Variants in NRXN3 observed in about 807,000 individuals in gnomAD.
NRXN3 encodes neurexin 3, also known as neurexin III.
A neutral mutation model predicts 137.6 loss-of-function variants in NRXN3; 32 were observed. The ratio of observed to expected loss-of-function variants is 0.23; its 90% CI spans 0.18 to 0.31. The LOEUF (loss-of-function observed/expected upper bound fraction) is 0.31, where lower values mean the gene tolerates loss of function less well. Among genes scored for constraint, NRXN3 ranks in the 10% least tolerant of loss-of-function variants. The pLI, the probability that NRXN3 is intolerant of heterozygous loss-of-function variation, is 1.00. For synonymous variants in NRXN3, 798 were observed against 784.5 expected, an observed-to-expected ratio of 1.02 and a Z score of -0.29; for missense variants, 1,574 against 2,062.5, an observed-to-expected ratio of 0.76 and a Z score of 4.59.
At chr14:78,371,876 A>G (rs775627664) in intron 4 of NRXN3, among the ~76,000 whole-genome samples, 6 of 152,196 alleles carry the variant, frequency 3.9e-5, no homozygotes, top group African/African-American at 7.2e-5. Context: ...TTATGTTAAC[A>G]CTTTTTATCT....
chr14:78,441,991 G>A lies in NRXN3; in HGVS notation c.757+144131G>A, dbSNP rs112456875. On this transcript the variant is annotated intron_variant, in intron 4 of 20. Transcript: ENST00000335750. ...GGGACCTGTAGTCCCAGCTACTCGGGAGGCTGAGGCAGGAGAATGGTGTGA... is the reference window on the plus strand; with the variant it reads ...GGGACCTGTAGTCCCAGCTACTCGGAAGGCTGAGGCAGGAGAATGGTGTGA... 9.1e-3 allele frequency among the ~76,000 whole-genome samples: 1,388 copies of A among 152,022 alleles called. 10 individuals are homozygous for A. The highest frequency in any genetic ancestry group is 0.024 in the Middle Eastern group (7 of 294).
chr14:78,225,264 G>T (rs1378562943), intron 1 of NRXN3, among the ~76,000 whole-genome samples: 1 of 152,074 alleles, frequency 6.6e-6, no homozygotes, highest in East Asian at 1.9e-4. Context: ...AGCACCTGTT[G>T]TTTCCTGACT....
intron 8 of NRXN3, among the ~76,000 whole-genome samples, chr14:78,719,488 G>C (rs1043641762): frequency 6.6e-6 from 1 of 152,168 alleles, no homozygotes; most frequent in Non-Finnish European, 1.5e-5. Context: ...GATGAGGCTG[G>C]ATTGTGTCAT....
At chr14:79,081,469 C>T (rs1690468313) in intron 15 of NRXN3, among the ~76,000 whole-genome samples, 1 of 151,990 alleles carries the variant, frequency 6.6e-6, no homozygotes, top group Non-Finnish European at 1.5e-5. Context: ...AAAAAAGCAG[C>T]CAGGTGTGGT....
intron 15 of NRXN3, among the ~76,000 whole-genome samples, chr14:79,138,382 T>A (rs536432344): frequency 2.0e-5 from 3 of 152,314 alleles, no homozygotes; most frequent in African/African-American, 7.2e-5. Flanking sequence ...TTCTAACTCT[T>A]GGGCACAAGT....
Position 79,456,532 on chromosome 14 carries a change from G to C in NRXN3, c.3263-10689G>C, listed in dbSNP as rs538199271. Among the ~76,000 whole-genome samples, 4 of 152,224 alleles carry C rather than the reference G, an allele frequency of 2.6e-5. No homozygotes were observed. The South Asian group carries it at 8.3e-4, about 32-fold the overall frequency. Reference sequence around the variant, plus strand: ...ACTTGAACCCAGGAGTTTGAGACCAGCCTGGACAACATAGTGAAACCCTGT... The same window carrying C: ...ACTTGAACCCAGGAGTTTGAGACCACCCTGGACAACATAGTGAAACCCTGT... On this transcript the variant is annotated intron_variant, in intron 15 of 20. Transcript: ENST00000335750.
intron 16 of NRXN3, among the ~76,000 whole-genome samples, chr14:79,526,336 C>T (rs1007043674): frequency 2.6e-5 from 4 of 152,128 alleles, no homozygotes; most frequent in African/African-American, 9.7e-5. Context: ...TGTGAGCTGC[C>T]ACCTGGCCCC....
chr14:79,789,718 C>T (rs978466229), intron 19 of NRXN3, among the ~76,000 whole-genome samples: 1 of 152,178 alleles, frequency 6.6e-6, no homozygotes, highest in African/African-American at 2.4e-5. Flanking sequence ...ACTCTCATCG[C>T]CATCTTGGTT....
At chr14:79,115,018 A>G (rs935594045) in intron 15 of NRXN3, among the ~76,000 whole-genome samples, 2 of 152,130 alleles carry the variant, frequency 1.3e-5, no homozygotes, top group Non-Finnish European at 2.9e-5. Context: ...AGCCACCGGC[A>G]TCTTAAGTTT....
At position 79,704,939 on chromosome 14, in the gene NRXN3, T is replaced by G. The variant is rs143801939; in HGVS notation, c.4014+7002T>G. ...AGTACAAATAGGCAAGTGAAAAGAG[T>G]GCAGTGTAGTTTGTTTTCATCCTTC... is the stretch of plus-strand genomic sequence containing the variant. On this transcript the variant is annotated intron_variant, in intron 19 of 20. Transcript: ENST00000335750. Among the ~76,000 whole-genome samples the G allele has an allele frequency of 7.0e-4, 107 of 152,060 alleles. 1 individual carries two copies. The East Asian group carries it at 0.019, about 28-fold the overall frequency.
chr14:79,768,756 G>A (rs567530664), intron 19 of NRXN3, among the ~76,000 whole-genome samples: 1 of 152,212 alleles, frequency 6.6e-6, no homozygotes, highest in African/African-American at 2.4e-5. Context: ...ACCAGCAACG[G>A]AACAAAGCTG....
At chr14:79,285,859 C>G (rs1223754926) in intron 15 of NRXN3, among the ~76,000 whole-genome samples, 1 of 149,034 alleles carries the variant, frequency 6.7e-6, no homozygotes, top group Non-Finnish European at 1.5e-5. Flanking sequence ...TGCGCTGCCC[C>G]CCACCGCCCC....
intron 4 of NRXN3, among the ~76,000 whole-genome samples, chr14:78,447,901 G>A (rs957656963): frequency 4.6e-5 from 7 of 152,246 alleles, no homozygotes; most frequent in African/African-American, 1.7e-4. Context: ...TTGTAAAAAT[G>A]GGCCTTATAA....
At chr14:78,767,126 A>T (rs1006286330) in intron 8 of NRXN3, among the ~76,000 whole-genome samples, 9 of 152,160 alleles carry the variant, frequency 5.9e-5, no homozygotes, top group Non-Finnish European at 2.9e-5. Context: ...CAAAGATGCA[A>T]TCAAGCACAG....
chr14:79,512,696 T>G (rs1010049651), intron 16 of NRXN3, among the ~76,000 whole-genome samples: 7 of 152,158 alleles, frequency 4.6e-5, no homozygotes, highest in Non-Finnish European at 8.8e-5. Context: ...CCCTAGAATA[T>G]GTATACCACT....
chr14:78,270,996 C>T (rs1313977247), intron 2 of NRXN3, among the ~76,000 whole-genome samples: 2 of 152,200 alleles, frequency 1.3e-5, no homozygotes, highest in Admixed American at 6.5e-5. Context: ...CTTCAGCTAC[C>T]GTGTGTGTTA....
chr14:79,094,498 G>C (rs1025424889), intron 15 of NRXN3, among the ~76,000 whole-genome samples: 1 of 152,110 alleles, frequency 6.6e-6, no homozygotes, highest in Non-Finnish European at 1.5e-5. Flanking sequence ...CCTCTTACTC[G>C]GTCTAAAGTC....
At chr14:78,853,076 T>C (rs1422217084) in intron 10 of NRXN3, among the ~76,000 whole-genome samples, 1 of 152,176 alleles carries the variant, frequency 6.6e-6, no homozygotes, top group African/African-American at 2.4e-5. Flanking sequence ...ACGGTTTTTT[T>C]TACTATTATA....
intron 4 of NRXN3, among the ~76,000 whole-genome samples, chr14:78,352,206 T>G (rs1210801119): frequency 6.6e-6 from 1 of 152,224 alleles, no homozygotes. Flanking sequence ...TTGTGTGTGG[T>G]GCAAGAAGTA....
Sources: allele counts gnomAD v4.1 joint callset (sites outside exome capture counted in the v4.1 genomes callset), GRCh38; gene constraint gnomAD v4.1.1; transcripts MANE v1.5; gene names NCBI Gene and HGNC (gene_info 2026-07-23, HGNC 2026-07-21).